The following MS4A14 variants were observed in gnomAD, a reference collection of about 807,000 sequenced individuals.
MS4A14 encodes membrane spanning 4-domains A14, also known as membrane-spanning 4-domains subfamily A member 14.
MS4A14 carries 18 observed loss-of-function variants against 16.7 expected under a neutral mutation model. That is an observed-to-expected ratio of 1.08 (90% CI 0.75 to 1.60). The LOEUF (loss-of-function observed/expected upper bound fraction) is 1.60. Among genes scored for constraint, MS4A14 ranks in the 40% most tolerant of loss-of-function variants. MS4A14 has a pLI of 0.00. For missense variants in MS4A14, 812 were observed against 775.3 expected (o/e 1.05, Z -0.56); for synonymous variants, 305 against 289.4 (o/e 1.05, Z -0.55).
At chr11:60,399,670 G>T (rs958265098) in intron 2 of MS4A14, among the ~76,000 whole-genome samples, 1 of 152,270 alleles carries the variant, frequency 6.6e-6, no homozygotes, top group African/African-American at 2.4e-5. Context: ...AGAGTTTCCC[G>T]AACTAGCTTG....
Position 60,417,078 on chromosome 11 carries a change from A to G in MS4A14, c.*70A>G, listed in dbSNP as rs2085959569. 4 of 1,522,524 alleles carry G rather than the reference A, an allele frequency of 2.6e-6. No individual in the cohort carries two copies. The highest frequency in any genetic ancestry group is 1.4e-5 in the African/African-American group (1 of 71,982). 94.3% of individuals were successfully genotyped at this position (1,522,524 alleles called of 1,614,324 possible). On this transcript the variant is annotated 3_prime_UTR_variant, in exon 5 of 5. Coordinates refer to ENST00000300187, the MANE Select transcript of MS4A14 (RefSeq NM_032597.5). ...TTTGAAATGAAGCACTGGCAAACAC[A>G]GGATCTATTAGAGAAAGAAGCCCTA...
In MS4A14 at chr11:60,400,472, C is replaced by T. The variant is rs1486771309; in HGVS notation, c.318+18C>T. 4 of 1,557,734 alleles carry T rather than the reference C, an allele frequency of 2.6e-6. No individual in the cohort carries two copies. The South Asian group carries it at 3.4e-5, about 13-fold the overall frequency. On this transcript the variant is annotated intron_variant, in intron 3 of 4. Coordinates refer to ENST00000300187, the MANE Select transcript of MS4A14 (RefSeq NM_032597.5). ...AACTTCTGGTAAGCCACTTAAACTACATAAAATTTAAAATCTTCTATTTGT... is the reference window on the plus strand; with the variant it reads ...AACTTCTGGTAAGCCACTTAAACTATATAAAATTTAAAATCTTCTATTTGT...
At chr11:60,405,760 A>G in intron 4 of MS4A14, 1 of 612,674 alleles carries the variant, frequency 1.6e-6, no homozygotes, top group Non-Finnish European at 2.8e-6. Context: ...GCAGTGTCTG[A>G]TGGCTACAGA....
At chr11:60,413,569 A>T (rs2085897881) in intron 4 of MS4A14, among the ~76,000 whole-genome samples, 1 of 152,018 alleles carries the variant, frequency 6.6e-6, no homozygotes. Flanking sequence ...TGTATATTAC[A>T]CAACTAGAGG....
At chr11:60,408,895 G>A (rs566267793) in intron 4 of MS4A14, among the ~76,000 whole-genome samples, 45 of 152,168 alleles carry the variant, frequency 3.0e-4, no homozygotes, top group African/African-American at 8.9e-4. Context: ...TTTCACCTTC[G>A]TTGCACCATC....
intron 4 of MS4A14, among the ~76,000 whole-genome samples, chr11:60,409,141 T>C (rs1302660217): frequency 6.6e-6 from 1 of 152,220 alleles, no homozygotes; most frequent in Non-Finnish European, 1.5e-5. Flanking sequence ...ATCATTTCTT[T>C]GTAGTGATGA....
intron 4 of MS4A14, among the ~76,000 whole-genome samples, chr11:60,404,913 A>G (rs2085765059): frequency 6.6e-6 from 1 of 152,206 alleles, no homozygotes; most frequent in Non-Finnish European, 1.5e-5. Flanking sequence ...AAGACCAGGT[A>G]TATCTTGTTC....
intron 4 of MS4A14, among the ~76,000 whole-genome samples, chr11:60,407,197 T>A (rs150095409): frequency 2.0e-3 from 303 of 152,094 alleles, no homozygotes; most frequent in African/African-American, 7.0e-3. Flanking sequence ...TTTTGTATTT[T>A]TTTTGTAGAA....
At chr11:60,411,248 G>C (rs550922433) in intron 4 of MS4A14, among the ~76,000 whole-genome samples, 2 of 152,186 alleles carry the variant, frequency 1.3e-5, no homozygotes, top group East Asian at 3.9e-4. Context: ...TGGCTATTCA[G>C]GGCCTCTTAA....
intron 4 of MS4A14, among the ~76,000 whole-genome samples, chr11:60,407,053 G>C (rs7129885): frequency 1 from 140,536 of 140,768 alleles, 70,153 homozygotes; most frequent in Middle Eastern, 1. Flanking sequence ...CTCACTCTAT[G>C]ACCCAGGCTG....
At chr11:60,407,875 T>G (rs892940785) in intron 4 of MS4A14, among the ~76,000 whole-genome samples, 2 of 152,198 alleles carry the variant, frequency 1.3e-5, no homozygotes, top group African/African-American at 4.8e-5. Context: ...ATAGCTTCTT[T>G]GAAAAAAACA....
At position 60,397,918 on chromosome 11, in the gene MS4A14, G is replaced by T. The variant is rs368053345; in HGVS notation, c.205G>T (p.Gly69Cys). ...AACTATATTTGCACTTAATTACATC[G>T]GTTTCTCCCAAAGACTTCCCCTTGT... The part of the protein sequence containing the change: ...FGTIFALNYI[G>C]FSQRLPLVVL... The change falls in exon 2 of 5, where the codon GGT becomes TGT. Residue 69 changes from glycine to cysteine, a missense_variant. Transcript: ENST00000300187. 1.2e-6 allele frequency: 2 copies of T among 1,613,234 alleles called. No individual in the cohort carries two copies. The highest frequency in any genetic ancestry group is 1.7e-6 in the Non-Finnish European group (2 of 1,179,506).
intron 4 of MS4A14, among the ~76,000 whole-genome samples, chr11:60,406,395 T>C (rs962523705): frequency 3.3e-5 from 5 of 152,256 alleles, no homozygotes; most frequent in Non-Finnish European, 5.9e-5. Context: ...TACTACATAG[T>C]ATTTATAATA....
intron 4 of MS4A14, among the ~76,000 whole-genome samples, chr11:60,415,175 A>T (rs1206518525): frequency 1.3e-5 from 2 of 152,114 alleles, no homozygotes; most frequent in African/African-American, 4.8e-5. Context: ...AAGCTTTATA[A>T]TATTAAGTAT....
At chr11:60,404,767 A>G (rs2085763317) in intron 4 of MS4A14, 3 of 344,150 alleles carry the variant, frequency 8.7e-6, no homozygotes, top group Admixed American at 3.9e-5. Flanking sequence ...TCATATCTGC[A>G]TAGATCCCCC....
intron 4 of MS4A14, among the ~76,000 whole-genome samples, chr11:60,403,579 C>T (rs1422150115): frequency 6.6e-6 from 1 of 152,140 alleles, no homozygotes; most frequent in Non-Finnish European, 1.5e-5. Flanking sequence ...TTAAGACATA[C>T]ATTATTTCAC....
intron 4 of MS4A14, among the ~76,000 whole-genome samples, chr11:60,408,058 T>C (rs1319429958): frequency 6.6e-6 from 1 of 152,136 alleles, no homozygotes; most frequent in Non-Finnish European, 1.5e-5. Context: ...AACTTTCATG[T>C]ACAGTTGTAG....
rs756885365 is a variant in MS4A14, at chr11:60,416,603, G to A, written c.1635G>A (p.Arg545=). 1 of 1,613,808 alleles carries A rather than the reference G, an allele frequency of 6.2e-7. No individual in the cohort carries two copies. The highest frequency in any genetic ancestry group is 8.5e-7 in the Non-Finnish European group (1 of 1,179,910). ...QQIKDWLSPK[R]HSVDKQAQLN... Reference sequence around the variant, plus strand: ...TCAAAGACTGGCTATCCCCAAAGAGGCACTCCGTAGATAAGCAAGCTCAAC... The same window carrying A: ...TCAAAGACTGGCTATCCCCAAAGAGACACTCCGTAGATAAGCAAGCTCAAC... The change falls in exon 5 of 5, where the codon AGG becomes AGA. Residue 545 remains arginine (R), a synonymous_variant. Transcript: ENST00000300187.
In MS4A14 at chr11:60,396,533, C is replaced by G. The variant is rs2085622830; in HGVS notation, c.-46C>G. The G allele has an allele frequency of 6.3e-7, 1 of 1,595,042 alleles. No homozygotes were observed. The highest frequency in any genetic ancestry group is 2.2e-5 in the East Asian group (1 of 44,580). Reference sequence around the variant, plus strand: ...GAGAGGTAGATCATGATTTGGGCGGCAATGTTTGCTCACTCTTTCCCTTAC... The same window carrying G: ...GAGAGGTAGATCATGATTTGGGCGGGAATGTTTGCTCACTCTTTCCCTTAC... On this transcript the variant is annotated 5_prime_UTR_variant, in exon 1 of 5. Transcript: ENST00000300187.
Sources: gnomAD v4.1 joint callset for allele counts (sites outside exome capture counted in the v4.1 genomes callset) on GRCh38, gnomAD v4.1.1 for gene constraint, MANE v1.5 for transcripts, NCBI Gene and HGNC (gene_info 2026-07-23, HGNC 2026-07-21) for gene names.